The following GSE1 variants were observed in gnomAD, a reference collection of about 807,000 sequenced individuals.
GSE1 encodes genetic suppressor element 1.
A neutral mutation model predicts 112.6 loss-of-function variants in GSE1; 32 were observed. The observed-to-expected ratio is 0.28, with a 90% confidence interval of 0.21 to 0.38. The LOEUF is 0.38. Ranked by LOEUF, GSE1 falls within the 10% of genes least tolerant of loss-of-function variation. GSE1 has a pLI of 1.00. For synonymous variants in GSE1, 1,115 were observed against 735.6 expected, an observed-to-expected ratio of 1.52 and a Z score of -8.35; for missense variants, 2,348 against 1,699.2, an observed-to-expected ratio of 1.38 and a Z score of -6.71.
intron 1 of GSE1, among the ~76,000 whole-genome samples, chr16:85,204,158 G>T (rs2075076915): frequency 2.0e-5 from 3 of 152,204 alleles, no homozygotes; most frequent in African/African-American, 4.8e-5. Context: ...TCCAGCGATT[G>T]TGAATCTCCT....
At chr16:85,509,941 G>T (rs1281428862) in intron 2 of GSE1, among the ~76,000 whole-genome samples, 1 of 152,188 alleles carries the variant, frequency 6.6e-6, no homozygotes, top group East Asian at 1.9e-4. Flanking sequence ...TTTCCAAGAT[G>T]GATTGATTCA....
intron 2 of GSE1, among the ~76,000 whole-genome samples, chr16:85,404,599 C>CCT (rs1369443455): frequency 1.7e-5 from 1 of 60,446 alleles, no homozygotes; most frequent in African/African-American, 8.3e-5. Context: ...TCAGGCCCCC[C>CCT]GGATAATCCT....
chr16:85,634,704 C>T (rs561178108), intron 2 of GSE1, among the ~76,000 whole-genome samples: 1 of 152,212 alleles, frequency 6.6e-6, no homozygotes, highest in African/African-American at 2.4e-5. Context: ...ATCACCTGGG[C>T]AGGACCTGCT....
chr16:85,280,211 C>T (rs1236621762), intron 1 of GSE1, among the ~76,000 whole-genome samples: 2 of 152,088 alleles, frequency 1.3e-5, no homozygotes, highest in African/African-American at 2.4e-5. Context: ...GCCCAGGAGT[C>T]GGAGGTTTTG....
intron 2 of GSE1, among the ~76,000 whole-genome samples, chr16:85,647,641 C>T (rs781084223): frequency 6.6e-5 from 10 of 152,128 alleles, no homozygotes. Context: ...GGCTGGAGTG[C>T]GGCAGCACGA....
intron 2 of GSE1, among the ~76,000 whole-genome samples, chr16:85,494,382 C>T (rs1294276748): frequency 6.6e-6 from 1 of 152,138 alleles, no homozygotes; most frequent in Non-Finnish European, 1.5e-5. Context: ...TGGGGCCCAC[C>T]CTATTCCAAA....
chr16:85,363,133 G>T (rs113398324), intron 2 of GSE1, among the ~76,000 whole-genome samples: 1 of 152,164 alleles, frequency 6.6e-6, no homozygotes, highest in African/African-American at 2.4e-5. Flanking sequence ...CACCGCACCC[G>T]CTGGATATCA....
chr16:85,642,661 TC>T (rs2050537948), intron 2 of GSE1, among the ~76,000 whole-genome samples: 2 of 152,244 alleles, frequency 1.3e-5, no homozygotes. Flanking sequence ...ACAAAGACGT[TC>T]CAGGGACCCT....
chr16:85,303,349 G>T (rs890121450), intron 1 of GSE1, among the ~76,000 whole-genome samples: 2 of 152,236 alleles, frequency 1.3e-5, no homozygotes, highest in African/African-American at 4.8e-5. Context: ...ATGACCCCTC[G>T]GTGGGGAGTC....
intron 2 of GSE1, among the ~76,000 whole-genome samples, chr16:85,443,700 T>C (rs2049436969): frequency 6.6e-6 from 1 of 152,202 alleles, no homozygotes; most frequent in Non-Finnish European, 1.5e-5. Flanking sequence ...CCCACCTGCC[T>C]TCCCTGCTGG....
chr16:85,367,500 C>A (rs553871757), intron 2 of GSE1, among the ~76,000 whole-genome samples: 4 of 152,112 alleles, frequency 2.6e-5, no homozygotes, highest in Non-Finnish European at 5.9e-5. Context: ...GGAGTGATGC[C>A]GGGTGGTGAG....
upstream of GSE1, chr16:85,613,303 A>G: frequency 6.5e-7 from 1 of 1,538,438 alleles, no homozygotes; most frequent in East Asian, 2.6e-5. Flanking sequence ...GCCGCCGAGC[A>G]GCCCCGGGTG....
intron 1 of GSE1, among the ~76,000 whole-genome samples, chr16:85,333,536 C>G (rs912891503): frequency 9.9e-5 from 15 of 152,266 alleles, no homozygotes; most frequent in African/African-American, 3.4e-4. Flanking sequence ...GGTCAGGTGC[C>G]TGAGGCCAGC....
At chr16:85,590,162 ATGTG>A (rs938913629) in intron 1 of GSE1, among the ~76,000 whole-genome samples, 11 of 151,730 alleles carry the variant, frequency 7.2e-5, no homozygotes, top group African/African-American at 1.9e-4. Context: ...GTGTGAGTGA[ATGTG>A]TGTGACATTG....
upstream of GSE1, among the ~76,000 whole-genome samples, chr16:85,608,501 G>A (rs1009946246): frequency 2.0e-5 from 3 of 151,874 alleles, no homozygotes; most frequent in African/African-American, 4.8e-5. Context: ...AGGTAAGAGC[G>A]TAGACCTGAA....
intron 2 of GSE1, among the ~76,000 whole-genome samples, chr16:85,422,116 A>G (rs2048859009): frequency 6.6e-6 from 1 of 151,478 alleles, no homozygotes; most frequent in Non-Finnish European, 1.5e-5. Context: ...TCGAACCCCC[A>G]TGTCCCCAGG....
chr16:85,482,434 C>T lies in GSE1; in HGVS notation c.2464+124791C>T, dbSNP rs371002862. On this transcript the variant is annotated intron_variant, in intron 2 of 2. Coordinates refer to the GSE1 transcript ENST00000637419. ...AGGTGGTCTGGATTCAGACCCCCAG[C>T]CCATCTCTGACAACTCGAGCGACCC... 3.4e-4 allele frequency among the ~76,000 whole-genome samples: 52 copies of T among 152,312 alleles called. No individual in the cohort carries two copies. The East Asian group carries it at 7.9e-3, about 23-fold the overall frequency.
At chr16:85,635,909 A>T (rs1382349166) in intron 2 of GSE1, among the ~76,000 whole-genome samples, 2 of 151,966 alleles carry the variant, frequency 1.3e-5, no homozygotes, top group African/African-American at 4.8e-5. Context: ...CCCTGGGCCC[A>T]GCAGCGGCCG....
chr16:85,397,660 G>C (rs935835927), intron 2 of GSE1, among the ~76,000 whole-genome samples: 18 of 152,202 alleles, frequency 1.2e-4, no homozygotes, highest in African/African-American at 4.3e-4. Flanking sequence ...GGTGCGGGAG[G>C]CACCACCTGC....
Sources: gnomAD v4.1 joint callset for allele counts (sites outside exome capture counted in the v4.1 genomes callset) on GRCh38, gnomAD v4.1.1 for gene constraint, MANE v1.5 for transcripts, NCBI Gene and HGNC (gene_info 2026-07-23, HGNC 2026-07-21) for gene names.